The following LINGO2 variants were observed in gnomAD, a reference collection of about 807,000 sequenced individuals.
LINGO2 encodes leucine-rich repeat and immunoglobulin-like domain-containing nogo receptor-interacting protein 2.
LINGO2 carries 14 observed loss-of-function variants against 30.6 expected under a neutral mutation model. The observed-to-expected ratio is 0.46, with a 90% CI of 0.30 to 0.72. LINGO2 has a LOEUF of 0.72. Among genes scored for constraint, LINGO2 ranks in the 30% least tolerant of loss-of-function variants. The pLI is 0.07. For synonymous variants in LINGO2, 317 were observed against 288.5 expected (o/e 1.10, Z -1.00); for missense variants, 729 against 751.7 (o/e 0.97, Z 0.35).
At chr9:28,332,669 C>T (rs1825464849) in intron 3 of LINGO2, among the ~76,000 whole-genome samples, 1 of 151,556 alleles carries the variant, frequency 6.6e-6, no homozygotes, top group Admixed American at 6.6e-5. Flanking sequence ...AAGAATCTGA[C>T]TGGTTCCTCT....
intron 3 of LINGO2, among the ~76,000 whole-genome samples, chr9:28,328,945 C>CA (rs1271478557): frequency 1.3e-5 from 2 of 151,866 alleles, no homozygotes; most frequent in East Asian, 1.9e-4. Flanking sequence ...TGCCATTTGA[C>CA]AAAAAAATAA....
chr9:28,617,784 G>T (rs1450698016), intron 1 of LINGO2, among the ~76,000 whole-genome samples: 4 of 151,950 alleles, frequency 2.6e-5, no homozygotes, highest in African/African-American at 9.7e-5. Flanking sequence ...AATGAAAAAT[G>T]TAATTTTAAT....
chr9:28,272,297 A>G (rs1442044441), intron 4 of LINGO2, among the ~76,000 whole-genome samples: 1 of 152,050 alleles, frequency 6.6e-6, no homozygotes, highest in Non-Finnish European at 1.5e-5. Flanking sequence ...CTTTGCACTT[A>G]GCATAAAATC....
intron 3 of LINGO2, among the ~76,000 whole-genome samples, chr9:28,345,408 T>C (rs2134410000): frequency 6.6e-6 from 1 of 152,256 alleles, no homozygotes; most frequent in Admixed American, 6.5e-5. Context: ...GGTCAATCCA[T>C]TAACTAGTAC....
the LINGO2 span, among the ~76,000 whole-genome samples, chr9:29,146,137 G>A: frequency 1.3e-5 from 2 of 152,090 alleles, no homozygotes; most frequent in Non-Finnish European, 2.9e-5. Flanking sequence ...TCACTTGGAT[G>A]TGAAATTAAA....
chr9:28,765,824 C>T, the LINGO2 span, among the ~76,000 whole-genome samples: 7 of 151,560 alleles, frequency 4.6e-5, no homozygotes, highest in East Asian at 3.9e-4. Flanking sequence ...AAAACAAGAC[C>T]GAGACAAATA....
rs1364914360 is a variant in LINGO2, at chr9:27,972,413, G to GT, written c.-35-21708dup. On this transcript the variant is annotated intron_variant, in intron 5 of 5. Coordinates refer to ENST00000379992, the Ensembl canonical transcript of LINGO2. ...CTGCAAGTTTATTTAACAAGGGAGAGTTTCCCCTTCTTATCCTAATCTTCG... is the reference window on the plus strand; with the variant it reads ...CTGCAAGTTTATTTAACAAGGGAGAGTTTTCCCCTTCTTATCCTAATCTTCG... Among the ~76,000 whole-genome samples, 3 of 152,304 alleles carry GT rather than the reference G, an allele frequency of 2.0e-5. No homozygotes were observed. In the East Asian group the frequency reaches 5.8e-4, roughly 29 times the overall value.
At chr9:28,614,148 T>G (rs140725709) in intron 1 of LINGO2, among the ~76,000 whole-genome samples, 28 of 152,270 alleles carry the variant, frequency 1.8e-4, no homozygotes, top group African/African-American at 6.5e-4. Flanking sequence ...ATCTTAAGTC[T>G]GTATGTCTTT....
chr9:28,332,401 G>A (rs764045398), intron 3 of LINGO2, among the ~76,000 whole-genome samples: 1 of 152,100 alleles, frequency 6.6e-6, no homozygotes, highest in Admixed American at 6.6e-5. Flanking sequence ...CACATGGAAG[G>A]TTTCTCTGGA....
At chr9:28,171,700 G>C (rs1242869816) in intron 4 of LINGO2, among the ~76,000 whole-genome samples, 1 of 151,978 alleles carries the variant, frequency 6.6e-6, no homozygotes, top group African/African-American at 2.4e-5. Context: ...CTGGATCCTG[G>C]CTGAAACTCA....
chr9:28,117,957 G>T (rs1398674251), intron 4 of LINGO2, among the ~76,000 whole-genome samples: 1 of 152,158 alleles, frequency 6.6e-6, no homozygotes, highest in Non-Finnish European at 1.5e-5. Context: ...AGAGTCCAGA[G>T]ATAGGAATGT....
At chr9:29,131,593 C>T in the LINGO2 span, among the ~76,000 whole-genome samples, 1 of 151,990 alleles carries the variant, frequency 6.6e-6, no homozygotes, top group South Asian at 2.1e-4. Context: ...CACCGAAAAC[C>T]ATTTGGGACC....
intron 4 of LINGO2, among the ~76,000 whole-genome samples, chr9:28,172,596 A>T: frequency 6.6e-6 from 1 of 152,150 alleles, no homozygotes; most frequent in Non-Finnish European, 1.5e-5. Context: ...CCTTAATCAA[A>T]CCTATAAATT....
chr9:29,204,857 A>G, the LINGO2 span, among the ~76,000 whole-genome samples: 1 of 152,210 alleles, frequency 6.6e-6, no homozygotes, highest in Non-Finnish European at 1.5e-5. Flanking sequence ...ATGATAGCAT[A>G]CATTCTTACA....
At chr9:28,787,249 T>C in the LINGO2 span, among the ~76,000 whole-genome samples, 22 of 152,232 alleles carry the variant, frequency 1.4e-4, no homozygotes, top group African/African-American at 5.3e-4. Flanking sequence ...AATAATACAG[T>C]ATATAAGGAG....
At chr9:29,013,975 T>C in the LINGO2 span, among the ~76,000 whole-genome samples, 1 of 152,180 alleles carries the variant, frequency 6.6e-6, no homozygotes, top group South Asian at 2.1e-4. Context: ...TTCTGCACAT[T>C]TGACATTCTT....
At chr9:28,888,233 T>C in the LINGO2 span, among the ~76,000 whole-genome samples, 2 of 152,054 alleles carry the variant, frequency 1.3e-5, no homozygotes, top group African/African-American at 4.8e-5. Flanking sequence ...GTCACTCTTG[T>C]TAAAAGAAGA....
chr9:28,306,470 A>T (rs1018320708), intron 3 of LINGO2, among the ~76,000 whole-genome samples: 4 of 152,152 alleles, frequency 2.6e-5, no homozygotes, highest in Non-Finnish European at 5.9e-5. Flanking sequence ...CCCACAAGAG[A>T]AAGCAGGAAA....
chr9:28,092,793 T>C (rs1447927878), intron 4 of LINGO2, among the ~76,000 whole-genome samples: 1 of 152,048 alleles, frequency 6.6e-6, no homozygotes, highest in African/African-American at 2.4e-5. Context: ...TTTCCTTACT[T>C]GTATGATCAA....
Sources: gnomAD v4.1 joint callset for allele counts (sites outside exome capture counted in the v4.1 genomes callset) on GRCh38, gnomAD v4.1.1 for gene constraint, MANE v1.5 for transcripts, NCBI Gene and HGNC (gene_info 2026-07-23, HGNC 2026-07-21) for gene names.